The following PPP3CC variants were observed in gnomAD, a reference collection of about 807,000 sequenced individuals.
PPP3CC encodes the protein protein phosphatase 3 catalytic subunit gamma.
In PPP3CC, 35 loss-of-function variants were observed where a neutral mutation model predicts 60.3. The observed-to-expected ratio is 0.58, with a 90% CI of 0.44 to 0.77. PPP3CC has a LOEUF of 0.77. PPP3CC is among the 30% of genes least tolerant of loss of function. PPP3CC has a pLI of 0.00. For synonymous variants in PPP3CC, 206 were observed against 224.3 expected (o/e 0.92, Z 0.73); for missense variants, 570 against 628.9 (o/e 0.91, Z 1.00).
At chr8:22,521,991 C>CAT (rs773387446) in intron 6 of PPP3CC, among the ~76,000 whole-genome samples, 290 of 150,718 alleles carry the variant, frequency 1.9e-3, no homozygotes, top group Middle Eastern at 3.4e-3. Flanking sequence ...TATATATATA[C>CAT]ATATATATGT....
rs1355892158 is a variant in PPP3CC at position 22,490,336 on chromosome 8, G to A, written c.373-7665G>A. Among the ~76,000 whole-genome samples the A allele has an allele frequency of 3.3e-5, 5 of 152,152 alleles. No homozygotes were observed. In the East Asian group the frequency reaches 5.8e-4, roughly 18 times the overall value. On this transcript the variant is annotated intron_variant, in intron 3 of 13. Coordinates refer to ENST00000240139, the MANE Select transcript of PPP3CC (RefSeq NM_005605.5). ...GGAACCTGGCAATCTGTATTCTGTC[G>A]GGTTCCCAGGTGATGCTGTTTACCA...
At chr8:22,488,351 G>C (rs1345948522) in intron 3 of PPP3CC, among the ~76,000 whole-genome samples, 1 of 152,154 alleles carries the variant, frequency 6.6e-6, no homozygotes, top group Non-Finnish European at 1.5e-5. Context: ...TGCAATGCCT[G>C]TTTCAAAATG....
At chr8:22,531,190 T>C (rs1490166033) in intron 10 of PPP3CC, 10 of 995,284 alleles carry the variant, frequency 1.0e-5, no homozygotes, top group Non-Finnish European at 1.5e-5. Flanking sequence ...AGCCTGTTTC[T>C]CTCATTGCAT....
At position 22,466,442 on chromosome 8, in the gene PPP3CC, C is replaced by G. The variant is rs141372990; in HGVS notation, c.50-8512C>G. On this transcript the variant is annotated intron_variant, in intron 1 of 13. Transcript: ENST00000240139. Reference sequence around the variant, plus strand: ...CTTCCACAGTGGTTGAACTGATTTACACACCCACCAACGGTGTATTTCTCC... The same window carrying G: ...CTTCCACAGTGGTTGAACTGATTTAGACACCCACCAACGGTGTATTTCTCC... Among the ~76,000 whole-genome samples, 940 of 152,268 alleles carry G rather than the reference C, an allele frequency of 6.2e-3. 8 individuals are homozygous for G. Among genetic ancestry groups the G allele is most frequent in the African/African-American group, 0.02 (827 of 41,530 alleles).
At chr8:22,478,684 G>C (rs1837972615) in intron 3 of PPP3CC, among the ~76,000 whole-genome samples, 1 of 152,056 alleles carries the variant, frequency 6.6e-6, no homozygotes, top group African/African-American at 2.4e-5. Flanking sequence ...CAGGCTGTGA[G>C]AATAAAATAA....
At chr8:22,493,240 A>G (rs1442685566) in intron 3 of PPP3CC, among the ~76,000 whole-genome samples, 2 of 152,172 alleles carry the variant, frequency 1.3e-5, no homozygotes, top group Non-Finnish European at 2.9e-5. Flanking sequence ...AATATTTTTA[A>G]GCCCAAGCTC....
chr8:22,483,448 G>A (rs796342598), intron 3 of PPP3CC, among the ~76,000 whole-genome samples: 4 of 152,012 alleles, frequency 2.6e-5, no homozygotes, highest in Non-Finnish European at 4.4e-5. Context: ...CGCTACGCCC[G>A]GCTAATTTTT....
At chr8:22,496,415 C>T (rs1312200026) in intron 3 of PPP3CC, among the ~76,000 whole-genome samples, 2 of 149,580 alleles carry the variant, frequency 1.3e-5, no homozygotes, top group East Asian at 3.9e-4. Flanking sequence ...TGTCTAACTC[C>T]ATAAAATAGC....
intron 1 of PPP3CC, among the ~76,000 whole-genome samples, chr8:22,469,416 G>A (rs1365114213): frequency 6.6e-6 from 1 of 152,136 alleles, no homozygotes; most frequent in Non-Finnish European, 1.5e-5. Flanking sequence ...TAGATTCAAT[G>A]TTTGATAGCA....
chr8:22,521,984 A>G (rs1052488146), intron 6 of PPP3CC, among the ~76,000 whole-genome samples: 3 of 151,232 alleles, frequency 2.0e-5, no homozygotes, highest in African/African-American at 4.9e-5. Context: ...ACAAACCTAT[A>G]TATATACATA....
intron 1 of PPP3CC, among the ~76,000 whole-genome samples, chr8:22,472,394 A>ACACACACACACACACACC: frequency 6.7e-6 from 1 of 150,118 alleles, no homozygotes; most frequent in East Asian, 2.0e-4. Context: ...ACACACACAC[A>ACACACACACACACACACC]CACACACACA....
intron 3 of PPP3CC, among the ~76,000 whole-genome samples, chr8:22,496,717 G>A (rs188482459): frequency 6.5e-4 from 98 of 151,502 alleles, no homozygotes; most frequent in African/African-American, 2.3e-3. Context: ...GGCTGGTCTC[G>A]AACTCCTGAC....
chr8:22,516,872 T>C (rs1010138628), intron 6 of PPP3CC, among the ~76,000 whole-genome samples: 2 of 152,214 alleles, frequency 1.3e-5, no homozygotes, highest in African/African-American at 2.4e-5. Context: ...GTGTTAGATA[T>C]AAGCTTTGTT....
chr8:22,520,577 C>T (rs1839379696), intron 6 of PPP3CC, among the ~76,000 whole-genome samples: 1 of 152,140 alleles, frequency 6.6e-6, no homozygotes, highest in Non-Finnish European at 1.5e-5. Context: ...TTCTTTTCTT[C>T]TGCCTGAGTC....
At chr8:22,450,337 A>G (rs986985647) in intron 1 of PPP3CC, among the ~76,000 whole-genome samples, 1 of 152,238 alleles carries the variant, frequency 6.6e-6, no homozygotes, top group Non-Finnish European at 1.5e-5. Context: ...GGGATAAAGT[A>G]AATATTAACA....
intron 3 of PPP3CC, among the ~76,000 whole-genome samples, chr8:22,486,776 C>T (rs1838237908): frequency 1.3e-5 from 2 of 149,374 alleles, no homozygotes; most frequent in African/African-American, 2.5e-5. Flanking sequence ...GTTGCCCAGG[C>T]TGGAGTACAG....
chr8:22,531,335 G>A lies in PPP3CC; in HGVS notation c.1142-890G>A, dbSNP rs117515533. 1.3e-3 allele frequency: 2,057 copies of A among 1,528,532 alleles called. 28 individuals are homozygous for A. In the East Asian group the frequency reaches 0.031, roughly 23 times the overall value. 94.7% of individuals were successfully genotyped at this position (1,528,532 alleles called of 1,614,324 possible). A position where few individuals can be genotyped will look rare whatever the true frequency, so the allele number is the denominator to read the frequency against. ...ATTCCAAGCTATCAGAAAGGTATCC[G>A]ACTAAACTGTGCTAAGAGCTTAATG... On this transcript the variant is annotated intron_variant, in intron 10 of 13. Coordinates refer to ENST00000240139, the MANE Select transcript of PPP3CC (RefSeq NM_005605.5).
At chr8:22,473,565 G>T (rs1163779489) in intron 1 of PPP3CC, among the ~76,000 whole-genome samples, 1 of 151,476 alleles carries the variant, frequency 6.6e-6, no homozygotes, top group Non-Finnish European at 1.5e-5. Flanking sequence ...CCAGATTCAA[G>T]CAATTCTTCT....
At chr8:22,457,983 C>T (rs1837257282) in intron 1 of PPP3CC, among the ~76,000 whole-genome samples, 1 of 152,004 alleles carries the variant, frequency 6.6e-6, no homozygotes, top group Admixed American at 6.6e-5. Flanking sequence ...CCCAGCTACT[C>T]AGGAGGCTGA....
Sources: gnomAD v4.1 joint callset for allele counts (sites outside exome capture counted in the v4.1 genomes callset) on GRCh38, gnomAD v4.1.1 for gene constraint, MANE v1.5 for transcripts, NCBI Gene and HGNC (gene_info 2026-07-23, HGNC 2026-07-21) for gene names.